LIMCH1: variants seen among roughly 807,000 people sequenced by gnomAD.
The protein encoded by LIMCH1 is LIM and calponin homology domains-containing protein 1.
Under a neutral mutation model 176.5 loss-of-function variants are expected in LIMCH1, and 113 were observed. That is an observed-to-expected ratio of 0.64 (90% CI 0.55 to 0.75). The LOEUF (loss-of-function observed/expected upper bound fraction) is 0.75, where lower values mean the gene tolerates loss of function less well. LIMCH1 is among the 30% of genes least tolerant of loss of function. The probability of loss-of-function intolerance (pLI) is 0.00; values close to 1 mark genes in which losing one functional copy is unlikely to be tolerated. For synonymous variants in LIMCH1, 619 were observed against 645.9 expected (o/e 0.96, Z 0.63); for missense variants, 1,674 against 1,814.9 (o/e 0.92, Z 1.41).
chr4:41,389,153 A>C (rs913805918), intron 1 of LIMCH1: 2 of 152,306 alleles, frequency 1.3e-5, no homozygotes, highest in African/African-American at 4.8e-5. Flanking sequence ...TCAAGGTCGT[A>C]TATCTGAGGT....
upstream of LIMCH1, among the ~76,000 whole-genome samples, chr4:41,359,976 C>T (rs1038938575): frequency 9.2e-5 from 14 of 151,814 alleles, no homozygotes; most frequent in African/African-American, 3.4e-4. Context: ...AATGTAGATA[C>T]CTCGAGGGCA....
chr4:41,513,343 T>C (rs1162913208), intron 2 of LIMCH1, among the ~76,000 whole-genome samples: 2 of 152,200 alleles, frequency 1.3e-5, no homozygotes, highest in Non-Finnish European at 2.9e-5. Flanking sequence ...GCCTCAAGAA[T>C]GTATTCCCCA....
Position 41,399,685 on chromosome 4 carries a change from C to CTTTTTTTTTTTTTTTTTT in LIMCH1, c.96+38764_96+38765insTTTTTTTTTTTTTTTTTT, listed in dbSNP as rs56174007. On this transcript the variant is annotated intron_variant, in intron 1 of 26. Transcript: ENST00000313860. ...GTAACAATCCTATGAGGTGGATACT[C>CTTTTTTTTTTTTTTTTTT]TTTTTTTTTTTTTTTGAGATGGAGT... is the stretch of plus-strand genomic sequence containing the variant. Among the ~76,000 whole-genome samples, 12 of 95,786 alleles carry CTTTTTTTTTTTTTTTTTT rather than the reference C, an allele frequency of 1.3e-4. 2 individuals carry two copies. The East Asian group carries it at 1.3e-3, about 10-fold the overall frequency. The allele number at this position is 95,786 out of a possible 152,430, so 62.8% of individuals were successfully genotyped here. A position where few individuals can be genotyped will look rare whatever the true frequency, so the allele number is the denominator to read the frequency against.
At chr4:41,668,072 A>G (rs2094894327) in intron 21 of LIMCH1, among the ~76,000 whole-genome samples, 1 of 152,036 alleles carries the variant, frequency 6.6e-6, no homozygotes, top group African/African-American at 2.4e-5. Flanking sequence ...TTTTTAACAG[A>G]CTTTCTCCAG....
At chr4:41,402,902 AC>A (rs2058601970) in intron 1 of LIMCH1, among the ~76,000 whole-genome samples, 1 of 151,756 alleles carries the variant, frequency 6.6e-6, no homozygotes, top group Non-Finnish European at 1.5e-5. Context: ...GGTGCAGCAC[AC>A]CAGCATGGCA....
chr4:41,362,801 T>C (rs752605928), intron 1 of LIMCH1, among the ~76,000 whole-genome samples: 1 of 152,222 alleles, frequency 6.6e-6, no homozygotes, highest in Non-Finnish European at 1.5e-5. Context: ...CAGGCTATTA[T>C]GCAGTGCAGA....
At chr4:41,650,860 G>A (rs190348102) in intron 18 of LIMCH1, among the ~76,000 whole-genome samples, 1 of 152,084 alleles carries the variant, frequency 6.6e-6, no homozygotes, top group East Asian at 1.9e-4. Context: ...GAGAGCATCT[G>A]TTCCAGGTCT....
At chr4:41,419,879 G>A (rs1437079453) in intron 1 of LIMCH1, among the ~76,000 whole-genome samples, 1 of 150,274 alleles carries the variant, frequency 6.7e-6, no homozygotes, top group Non-Finnish European at 1.5e-5. Flanking sequence ...ATTATTATCA[G>A]CATTGAGGAT....
chr4:41,566,888 C>A (rs994292632), intron 1 of LIMCH1, among the ~76,000 whole-genome samples: 2 of 152,186 alleles, frequency 1.3e-5, no homozygotes, highest in African/African-American at 4.8e-5. Context: ...TTCCTTGTTA[C>A]TGAAGTCTTT....
At chr4:41,482,844 G>T (rs542112658) in intron 1 of LIMCH1, among the ~76,000 whole-genome samples, 35 of 152,216 alleles carry the variant, frequency 2.3e-4, no homozygotes, top group Non-Finnish European at 3.8e-4. Flanking sequence ...GTCTTAATTA[G>T]GAAAGCTGAG....
chr4:41,640,300 G>A (rs1037273232), intron 14 of LIMCH1, among the ~76,000 whole-genome samples: 1 of 152,246 alleles, frequency 6.6e-6, no homozygotes, highest in Non-Finnish European at 1.5e-5. Flanking sequence ...GGTTTGGTGA[G>A]CGAAAACATT....
At chr4:41,607,917 G>C (rs1006211404) in intron 4 of LIMCH1, among the ~76,000 whole-genome samples, 2 of 152,112 alleles carry the variant, frequency 1.3e-5, no homozygotes, top group East Asian at 1.9e-4. Flanking sequence ...TGGACTATCT[G>C]AGCACCTGGA....
chr4:41,467,156 T>C (rs941709480), intron 1 of LIMCH1, among the ~76,000 whole-genome samples: 28 of 100,310 alleles, frequency 2.8e-4, no homozygotes, highest in South Asian at 6.7e-4. Context: ...TGTATGTATA[T>C]ATACACACAC....
chr4:41,452,634 G>C (rs184041115), intron 1 of LIMCH1, among the ~76,000 whole-genome samples: 192 of 152,286 alleles, frequency 1.3e-3, no homozygotes, highest in African/African-American at 4.0e-3. Flanking sequence ...TAAGAGGCAG[G>C]GATAGTGCCT....
intron 1 of LIMCH1, among the ~76,000 whole-genome samples, chr4:41,552,670 G>C (rs1450708703): frequency 6.6e-6 from 1 of 152,130 alleles, no homozygotes; most frequent in Non-Finnish European, 1.5e-5. Flanking sequence ...TAGACACTTG[G>C]TCTGTTCTTT....
chr4:41,440,209 A>G (rs1409715153), intron 1 of LIMCH1, among the ~76,000 whole-genome samples: 2 of 152,322 alleles, frequency 1.3e-5, no homozygotes, highest in African/African-American at 4.8e-5. Flanking sequence ...ATGCTTAGTT[A>G]TATCTTTTCT....
chr4:41,473,050 A>G, intron 1 of LIMCH1: 2 of 984,942 alleles, frequency 2.0e-6, no homozygotes, highest in Non-Finnish European at 2.4e-6. Context: ...ATAATAATGT[A>G]ATTCCATTCA....
At position 41,638,206 on chromosome 4, in the gene LIMCH1, A is replaced by G. The variant is rs183082058; in HGVS notation, c.2091-726A>G. On this transcript the variant is annotated intron_variant, in intron 13 of 31. Transcript: ENST00000503057. ...AATTTAGTCTTTTTGCTTTAGACTC[A>G]TTTAGACTTCCGGTGACTATCGCAG... is the stretch of plus-strand genomic sequence containing the variant. Among the ~76,000 whole-genome samples, 243 of 152,200 alleles carry G rather than the reference A, an allele frequency of 1.6e-3. 2 individuals carry two copies. The highest frequency in any genetic ancestry group is 5.6e-3 in the African/African-American group (234 of 41,518).
At chr4:41,440,449 A>G (rs1468234808) in intron 1 of LIMCH1, among the ~76,000 whole-genome samples, 1 of 152,148 alleles carries the variant, frequency 6.6e-6, no homozygotes, top group African/African-American at 2.4e-5. Context: ...AAATGGTACC[A>G]TTGGGTTTCT....
Sources: gnomAD v4.1 joint callset for allele counts (sites outside exome capture counted in the v4.1 genomes callset) on GRCh38, gnomAD v4.1.1 for gene constraint, MANE v1.5 for transcripts, NCBI Gene and HGNC (gene_info 2026-07-23, HGNC 2026-07-21) for gene names.